Variants in NSMCE2 observed in about 807,000 individuals in gnomAD.
The protein encoded by NSMCE2 is NSE2 SUMO ligase component of SMC5/6 complex, also known as E3 SUMO-protein ligase NSE2.
Under a neutral mutation model 23.8 loss-of-function variants are expected in NSMCE2, and 24 were observed. The ratio of observed to expected loss-of-function variants is 1.01; its 90% confidence interval spans 0.73 to 1.42. NSMCE2 has a LOEUF of 1.42. NSMCE2 is among the 40% of genes most tolerant of loss of function. The pLI, the probability that NSMCE2 is intolerant of heterozygous loss-of-function variation, is 0.00. For missense variants in NSMCE2, 284 were observed against 296.5 expected, an observed-to-expected ratio of 0.96 and a Z score of 0.31; for synonymous variants, 92 against 94.1, an observed-to-expected ratio of 0.98 and a Z score of 0.13.
At chr8:125,312,075 T>TAAAAAAAAAAA (rs56906621) in intron 5 of NSMCE2, among the ~76,000 whole-genome samples, 9 of 99,246 alleles carry the variant, frequency 9.1e-5, no homozygotes, top group Non-Finnish European at 1.6e-4. Flanking sequence ...CCATCTCAAT[T>TAAAAAAAAAAA]AAAAAAAAAA....
intron 3 of NSMCE2, among the ~76,000 whole-genome samples, chr8:125,120,159 A>G (rs1434759685): frequency 6.6e-6 from 1 of 152,202 alleles, no homozygotes; most frequent in African/African-American, 2.4e-5. Flanking sequence ...GACTAGCCAT[A>G]TTTCATATAT....
At chr8:125,139,854 C>T (rs1201645453) in intron 3 of NSMCE2, among the ~76,000 whole-genome samples, 4 of 152,192 alleles carry the variant, frequency 2.6e-5, no homozygotes, top group Admixed American at 2.0e-4. Flanking sequence ...TTCACTTTTC[C>T]TTCTGTTCAC....
At chr8:125,234,760 T>G (rs550182882) in intron 5 of NSMCE2, among the ~76,000 whole-genome samples, 1 of 152,324 alleles carries the variant, frequency 6.6e-6, no homozygotes, top group Admixed American at 6.5e-5. Context: ...ATCATCTCTC[T>G]CAATGTAAAC....
chr8:125,290,363 G>T (rs549020822), intron 5 of NSMCE2, among the ~76,000 whole-genome samples: 94 of 152,208 alleles, frequency 6.2e-4, no homozygotes, highest in African/African-American at 2.2e-3. Context: ...AAAAAGGGGT[G>T]TCTCATGGGA....
At chr8:125,296,829 G>A (rs529083968) in intron 5 of NSMCE2, among the ~76,000 whole-genome samples, 21 of 152,232 alleles carry the variant, frequency 1.4e-4, no homozygotes, top group African/African-American at 4.8e-4. Context: ...AATGGCCAAG[G>A]TGTACTTTCG....
intron 5 of NSMCE2, among the ~76,000 whole-genome samples, chr8:125,324,665 C>G (rs1829589283): frequency 1.7e-5 from 1 of 57,694 alleles, no homozygotes; most frequent in East Asian, 7.7e-4. Context: ...AGCTCCGCCT[C>G]CCGGGTTCAC....
chr8:125,190,779 A>C (rs1823309216), intron 5 of NSMCE2, among the ~76,000 whole-genome samples: 1 of 152,232 alleles, frequency 6.6e-6, no homozygotes, highest in Non-Finnish European at 1.5e-5. Flanking sequence ...TACCTAAAGT[A>C]CTGAGTGCTG....
At chr8:125,315,949 C>T (rs967802414) in intron 5 of NSMCE2, among the ~76,000 whole-genome samples, 2 of 152,116 alleles carry the variant, frequency 1.3e-5, no homozygotes, top group African/African-American at 4.8e-5. Context: ...ACCATAGGCA[C>T]ACACCACCAC....
chr8:125,358,392 T>C (rs1478757435), intron 7 of NSMCE2, among the ~76,000 whole-genome samples: 1 of 151,668 alleles, frequency 6.6e-6, no homozygotes, highest in Non-Finnish European at 1.5e-5. Flanking sequence ...AATTATTTTT[T>C]TAATTGGAAG....
intron 5 of NSMCE2, among the ~76,000 whole-genome samples, chr8:125,201,144 T>C (rs1257551944): frequency 6.6e-6 from 1 of 152,184 alleles, no homozygotes; most frequent in African/African-American, 2.4e-5. Flanking sequence ...AAGTTTGTTA[T>C]TACTGACCTT....
chr8:125,357,398 T>C, intron 6 of NSMCE2, 79 bp downstream of exon 6: 1 of 1,032,940 alleles, frequency 9.7e-7, no homozygotes, highest in Admixed American at 1.8e-5. Flanking sequence ...TGCTTTCTGG[T>C]TTGATTTCAC....
chr8:125,296,837 T>G (rs964255964), intron 5 of NSMCE2, among the ~76,000 whole-genome samples: 1 of 152,228 alleles, frequency 6.6e-6, no homozygotes, highest in Non-Finnish European at 1.5e-5. Context: ...AGGTGTACTT[T>G]CGTGGAATAA....
At chr8:125,230,720 GTC>G (rs1825290005) in intron 5 of NSMCE2, among the ~76,000 whole-genome samples, 1 of 152,148 alleles carries the variant, frequency 6.6e-6, no homozygotes, top group African/African-American at 2.4e-5. Context: ...GAAATTACCA[GTC>G]TAGGTCAAGT....
chr8:125,332,491 T>C (rs959608104), intron 5 of NSMCE2, among the ~76,000 whole-genome samples: 5 of 152,250 alleles, frequency 3.3e-5, no homozygotes, highest in African/African-American at 1.2e-4. Context: ...AATGGTGCAA[T>C]GCCTATAAAA....
chr8:125,181,233 C>T (rs1219761828), intron 4 of NSMCE2, among the ~76,000 whole-genome samples: 1 of 151,932 alleles, frequency 6.6e-6, no homozygotes, highest in Non-Finnish European at 1.5e-5. Context: ...CAGAAAATAA[C>T]TGGGGGCAGG....
intron 5 of NSMCE2, among the ~76,000 whole-genome samples, chr8:125,294,622 C>T (rs1314891437): frequency 1.3e-5 from 2 of 152,200 alleles, no homozygotes; most frequent in African/African-American, 4.8e-5. Flanking sequence ...GTAATAGAAA[C>T]TGTCTCATAT....
At chr8:125,111,403 G>C (rs1386241120) in intron 3 of NSMCE2, among the ~76,000 whole-genome samples, 1 of 151,944 alleles carries the variant, frequency 6.6e-6, no homozygotes, top group African/African-American at 2.4e-5. Flanking sequence ...GTAAGTATGG[G>C]TGAAAAAAAA....
chr8:125,186,671 G>A (rs138830995), intron 5 of NSMCE2, among the ~76,000 whole-genome samples: 6 of 152,172 alleles, frequency 3.9e-5, no homozygotes, highest in Admixed American at 3.9e-4. Flanking sequence ...AAACAGGAAT[G>A]CCATGCCAGT....
At chr8:125,167,688 G>A (rs1821961672) in intron 4 of NSMCE2, among the ~76,000 whole-genome samples, 1 of 151,502 alleles carries the variant, frequency 6.6e-6, no homozygotes, top group Non-Finnish European at 1.5e-5. Context: ...AAGAAATTAT[G>A]CTAAAGGGAT....
Sources: gnomAD v4.1 joint callset for allele counts (sites outside exome capture counted in the v4.1 genomes callset) on GRCh38, gnomAD v4.1.1 for gene constraint, MANE v1.5 for transcripts, NCBI Gene and HGNC (gene_info 2026-07-23, HGNC 2026-07-21) for gene names.